COL14A1: variants seen among roughly 807,000 people sequenced by gnomAD.
COL14A1 encodes the protein collagen alpha-1(XIV) chain.
Under a neutral mutation model 230.3 loss-of-function variants are expected in COL14A1, and 136 were observed. The ratio of observed to expected loss-of-function variants is 0.59; its 90% CI spans 0.51 to 0.68. The LOEUF (loss-of-function observed/expected upper bound fraction) is 0.68. Ranked by LOEUF, COL14A1 falls within the 30% of genes least tolerant of loss-of-function variation. COL14A1 has a pLI of 0.00. For missense variants in COL14A1, 1,976 were observed against 2,215.8 expected (o/e 0.89, Z 2.17); for synonymous variants, 792 against 784.1 (o/e 1.01, Z -0.17).
intron 45 of COL14A1, among the ~76,000 whole-genome samples, chr8:120,351,929 C>T (rs912831387): frequency 1.0e-5 from 1 of 97,798 alleles, no homozygotes; most frequent in Non-Finnish European, 2.0e-5. Flanking sequence ...GGCAGAGACA[C>T]AACCAAAAAA....
Position 120,319,010 on chromosome 8 carries a change from A to G in COL14A1, c.4659+3013A>G, listed in dbSNP as rs149903924. ...AAAGGAGGAGGAAGCTGCAACAGAC[A>G]TTTTCAATGATGTTTAATCGGCGCT... is the stretch of plus-strand genomic sequence containing the variant. On this transcript the variant is annotated intron_variant, in intron 40 of 47. Coordinates refer to ENST00000297848, the MANE Select transcript of COL14A1 (RefSeq NM_021110.4). Among the ~76,000 whole-genome samples the G allele has an allele frequency of 5.4e-3, 819 of 152,272 alleles. 10 individuals carry two copies. The highest frequency in any genetic ancestry group is 0.018 in the African/African-American group (767 of 41,560).
intron 16 of COL14A1, 27 bp from the exon 17 acceptor site, chr8:120,227,192 AG>A (rs1818123913): frequency 1.2e-6 from 2 of 1,609,314 alleles, no homozygotes; most frequent in East Asian, 4.5e-5. Flanking sequence ...AAATAAGCAT[AG>A]TTACTAAGCA....
chr8:120,341,107 C>A (rs1586880404), intron 42 of COL14A1, among the ~76,000 whole-genome samples: 2 of 152,248 alleles, frequency 1.3e-5, no homozygotes, highest in Middle Eastern at 3.4e-3. Flanking sequence ...TACCATGTCT[C>A]TGCATAAAAA....
chr8:120,343,433 C>G (rs1822383944), intron 44 of COL14A1, among the ~76,000 whole-genome samples: 1 of 152,194 alleles, frequency 6.6e-6, no homozygotes, highest in Non-Finnish European at 1.5e-5. Flanking sequence ...CCAGGAAGCC[C>G]TGCAATATCT....
chr8:120,168,067 C>T, intron 4 of COL14A1, 94 bp from the exon 5 acceptor site: 4 of 786,304 alleles, frequency 5.1e-6, no homozygotes, highest in Non-Finnish European at 8.1e-6. Flanking sequence ...TCTATAGATA[C>T]TTTTAGGGCT....
intron 23 of COL14A1, 66 bp from the exon 24 acceptor site, chr8:120,262,802 T>A: frequency 6.7e-7 from 1 of 1,502,228 alleles, no homozygotes; most frequent in Non-Finnish European, 9.0e-7. Flanking sequence ...GCAAATCATC[T>A]GCCAATGGCT....
chr8:120,132,814 C>T (rs1376580880), intron 1 of COL14A1, among the ~76,000 whole-genome samples: 1 of 152,046 alleles, frequency 6.6e-6, no homozygotes, highest in Non-Finnish European at 1.5e-5. Flanking sequence ...TAGACACAAA[C>T]ATGTTGAAAA....
At chr8:120,137,223 A>G (rs1342938980) in intron 1 of COL14A1, among the ~76,000 whole-genome samples, 1 of 152,036 alleles carries the variant, frequency 6.6e-6, no homozygotes, top group Non-Finnish European at 1.5e-5. Context: ...TTTATTTCCA[A>G]GTAAGCTAAA....
intron 26 of COL14A1, among the ~76,000 whole-genome samples, chr8:120,275,946 G>A (rs1384631640): frequency 6.6e-6 from 1 of 151,830 alleles, no homozygotes; most frequent in Admixed American, 6.6e-5. Flanking sequence ...ACTAAAAGTA[G>A]ATTTACCTTT....
intron 5 of COL14A1, among the ~76,000 whole-genome samples, chr8:120,193,588 A>G (rs572373333): frequency 1.5e-4 from 23 of 152,324 alleles, no homozygotes; most frequent in African/African-American, 3.8e-4. Flanking sequence ...GCTGTCAGAC[A>G]GGGACATTTA....
At chr8:120,253,316 T>A (rs1819035540) in intron 22 of COL14A1, among the ~76,000 whole-genome samples, 1 of 152,070 alleles carries the variant, frequency 6.6e-6, no homozygotes, top group African/African-American at 2.4e-5. Flanking sequence ...GCCCTGTGAT[T>A]TTTTACTGGT....
At chr8:120,263,045 C>T in intron 24 of COL14A1, 31 bp downstream of exon 24, 4 of 1,549,702 alleles carry the variant, frequency 2.6e-6, no homozygotes, top group Middle Eastern at 1.7e-4. Flanking sequence ...CCTGATCCCT[C>T]TCCCCATGAA....
chr8:120,363,094 G>A (rs1349484557), intron 45 of COL14A1, among the ~76,000 whole-genome samples: 2 of 152,086 alleles, frequency 1.3e-5, no homozygotes, highest in African/African-American at 4.8e-5. Flanking sequence ...TCAGCCTAAG[G>A]AATTTTGTCT....
chr8:120,354,969 T>A (rs1364300010), intron 45 of COL14A1, among the ~76,000 whole-genome samples: 1 of 152,160 alleles, frequency 6.6e-6, no homozygotes, highest in East Asian at 1.9e-4. Context: ...CATTAAACCC[T>A]GTACTGTCTT....
At chr8:120,316,316 C>T (rs952072110) in intron 40 of COL14A1, among the ~76,000 whole-genome samples, 1 of 151,994 alleles carries the variant, frequency 6.6e-6, no homozygotes, top group South Asian at 2.1e-4. Flanking sequence ...ATCCTTGAGG[C>T]ATAAATGTAA....
intron 5 of COL14A1, among the ~76,000 whole-genome samples, chr8:120,174,668 C>G (rs1816215874): frequency 6.6e-6 from 1 of 152,098 alleles, no homozygotes. Context: ...GTGATGAGAA[C>G]TTGGGGTAGG....
intron 2 of COL14A1, among the ~76,000 whole-genome samples, chr8:120,151,512 C>T (rs749565575): frequency 4.0e-5 from 6 of 151,776 alleles, no homozygotes; most frequent in African/African-American, 7.2e-5. Flanking sequence ...TGATGGTGCG[C>T]GCCTGTAGTC....
intron 14 of COL14A1, among the ~76,000 whole-genome samples, chr8:120,219,164 T>G (rs1817853352): frequency 6.6e-6 from 1 of 152,118 alleles, no homozygotes; most frequent in South Asian, 2.1e-4. Flanking sequence ...TTGCCTAGGT[T>G]GAAGTGCAGT....
intron 14 of COL14A1, among the ~76,000 whole-genome samples, chr8:120,219,929 T>A (rs1308166037): frequency 2.0e-5 from 3 of 152,088 alleles, no homozygotes; most frequent in Non-Finnish European, 4.4e-5. Flanking sequence ...AAATTTTGAG[T>A]AAAATGCATA....
Sources: allele counts gnomAD v4.1 joint callset (sites outside exome capture counted in the v4.1 genomes callset), GRCh38; gene constraint gnomAD v4.1.1; transcripts MANE v1.5; gene names NCBI Gene and HGNC (gene_info 2026-07-23, HGNC 2026-07-21).